The following GJC1 variants were observed in gnomAD, a reference collection of about 807,000 sequenced individuals.
The protein encoded by GJC1 is gap junction protein gamma 1.
A neutral mutation model predicts 29.3 loss-of-function variants in GJC1; 5 were observed. The ratio of observed to expected loss-of-function variants is 0.17; its 90% CI spans 0.09 to 0.36. The LOEUF (loss-of-function observed/expected upper bound fraction) is 0.36. Among genes scored for constraint, GJC1 ranks in the 10% least tolerant of loss-of-function variants. The pLI is 1.00. For synonymous variants in GJC1, 177 were observed against 183.3 expected (o/e 0.97, Z 0.28); for missense variants, 310 against 496.2 (o/e 0.62, Z 3.56).
At chr17:44,795,807 A>G (rs112804392), downstream of GJC1, among the ~76,000 whole-genome samples, 276 of 152,356 alleles carry the variant, frequency 1.8e-3, no homozygotes, top group African/African-American at 6.3e-3. Flanking sequence ...TGTTAGTTCA[A>G]TTAGACCTCT....
At chr17:44,822,809 T>C (rs548078194) in intron 1 of GJC1, among the ~76,000 whole-genome samples, 3 of 152,208 alleles carry the variant, frequency 2.0e-5, no homozygotes, top group South Asian at 4.2e-4. Context: ...TGTGGAGATG[T>C]TGAACAGGCA....
intron 1 of GJC1, among the ~76,000 whole-genome samples, chr17:44,819,009 T>C (rs4793157): frequency 0.77 from 117,643 of 151,872 alleles, 45,573 homozygotes; most frequent in African/African-American, 0.81. Flanking sequence ...AAAACCCCCC[T>C]CATTAACTTG....
At chr17:44,823,550 T>C (rs2050136512) in intron 1 of GJC1, among the ~76,000 whole-genome samples, 1 of 150,668 alleles carries the variant, frequency 6.6e-6, no homozygotes, top group Non-Finnish European at 1.5e-5. Context: ...GTACCTAGCC[T>C]CTTTCCTCCT....
chr17:44,811,639 G>T (rs532780894), intron 1 of GJC1, among the ~76,000 whole-genome samples: 1 of 151,918 alleles, frequency 6.6e-6, no homozygotes, highest in East Asian at 1.9e-4. Flanking sequence ...TGCCTGCCTC[G>T]GCCTTCCAAA....
intron 1 of GJC1, among the ~76,000 whole-genome samples, chr17:44,820,501 A>T (rs1341878115): frequency 6.6e-6 from 1 of 152,214 alleles, no homozygotes; most frequent in Non-Finnish European, 1.5e-5. Flanking sequence ...GTGGAACTCA[A>T]AAGTCTAGGG....
At chr17:44,829,572 G>C (rs1024821790) in intron 1 of GJC1, 1 of 152,178 alleles carries the variant, frequency 6.6e-6, no homozygotes, top group African/African-American at 2.4e-5. Context: ...CCTCAGACGA[G>C]CCCGCACGCC....
downstream of GJC1, among the ~76,000 whole-genome samples, chr17:44,795,986 C>T (rs4792957): frequency 0.33 from 50,810 of 152,144 alleles, 9,194 homozygotes; most frequent in East Asian, 0.51. Flanking sequence ...CCCTGGAGTC[C>T]GGCCGCTTGG....
chr17:44,820,153 G>T (rs553240301), intron 1 of GJC1, among the ~76,000 whole-genome samples: 13 of 152,096 alleles, frequency 8.5e-5, no homozygotes, highest in Non-Finnish European at 1.5e-4. Flanking sequence ...GTAGAAACAG[G>T]GTTTCACTTT....
intron 1 of GJC1, among the ~76,000 whole-genome samples, chr17:44,815,053 C>G (rs2050027283): frequency 6.6e-6 from 1 of 152,032 alleles, no homozygotes; most frequent in African/African-American, 2.4e-5. Context: ...CTGTGAATGG[C>G]TCTCATGAAT....
intron 1 of GJC1, among the ~76,000 whole-genome samples, chr17:44,816,507 T>G (rs374973387): frequency 6.0e-4 from 91 of 152,206 alleles, no homozygotes; most frequent in African/African-American, 1.8e-3. Context: ...TTTTGTTTTG[T>G]TTTTGGTTTT....
At chr17:44,810,256 C>T (rs2145318276) in intron 1 of GJC1, among the ~76,000 whole-genome samples, 1 of 152,302 alleles carries the variant, frequency 6.6e-6, no homozygotes, top group Non-Finnish European at 1.5e-5. Context: ...CTCAGCCTCC[C>T]AAAGTGCTGG....
At chr17:44,821,730 A>AAAC (rs2050110828) in intron 1 of GJC1, among the ~76,000 whole-genome samples, 1 of 141,392 alleles carries the variant, frequency 7.1e-6, no homozygotes. Context: ...AAAAAACAAC[A>AAAC]AAAAAACACC....
At chr17:44,816,713 C>T (rs756264800) in intron 1 of GJC1, among the ~76,000 whole-genome samples, 10 of 151,946 alleles carry the variant, frequency 6.6e-5, no homozygotes, top group Non-Finnish European at 1.3e-4. Flanking sequence ...ACCTTGTTAT[C>T]CAGGCTGGTC....
At chr17:44,821,313 C>G (rs1434582864) in intron 1 of GJC1, among the ~76,000 whole-genome samples, 1 of 152,128 alleles carries the variant, frequency 6.6e-6, no homozygotes, top group African/African-American at 2.4e-5. Flanking sequence ...AATGCTCAGT[C>G]TAGAAAAACG....
chr17:44,828,692 C>G (rs2050200232), intron 1 of GJC1, among the ~76,000 whole-genome samples: 1 of 152,122 alleles, frequency 6.6e-6, no homozygotes, highest in African/African-American at 2.4e-5. Context: ...CAACTCTATG[C>G]TAAGTTTTTT....
downstream of GJC1, among the ~76,000 whole-genome samples, chr17:44,796,206 C>G (rs773323924): frequency 1.9e-4 from 29 of 152,202 alleles, no homozygotes; most frequent in Non-Finnish European, 8.8e-5. Flanking sequence ...GAGCCCTAGC[C>G]AGGAACCATG....
chr17:44,818,895 C>T (rs2050072956), intron 1 of GJC1, among the ~76,000 whole-genome samples: 1 of 151,960 alleles, frequency 6.6e-6, no homozygotes, highest in South Asian at 2.1e-4. Flanking sequence ...AACACTTCAG[C>T]TCAGGAGTTC....
intron 1 of GJC1, among the ~76,000 whole-genome samples, chr17:44,809,633 C>T (rs1344289696): frequency 3.3e-5 from 5 of 150,466 alleles, no homozygotes; most frequent in African/African-American, 9.8e-5. Flanking sequence ...TGCAATGGCG[C>T]GATCTTGGCT....
At chr17:44,818,977 A>C (rs1013374315) in intron 1 of GJC1, among the ~76,000 whole-genome samples, 2 of 150,920 alleles carry the variant, frequency 1.3e-5, no homozygotes, top group East Asian at 3.9e-4. Context: ...AAAACCTCTC[A>C]AGTTTTTCAA....
Sources: gnomAD v4.1 joint callset for allele counts (sites outside exome capture counted in the v4.1 genomes callset) on GRCh38, gnomAD v4.1.1 for gene constraint, MANE v1.5 for transcripts, NCBI Gene and HGNC (gene_info 2026-07-23, HGNC 2026-07-21) for gene names.